Variants in SUMF1 observed in about 807,000 individuals in gnomAD.
SUMF1 encodes the protein formylglycine-generating enzyme.
Under a neutral mutation model 47.6 loss-of-function variants are expected in SUMF1, and 48 were observed. The ratio of observed to expected loss-of-function variants is 1.01; its 90% CI spans 0.80 to 1.28. The LOEUF is 1.28. SUMF1 is among the 50% of genes most tolerant of loss of function. The pLI is 0.00. For synonymous variants in SUMF1, 230 were observed against 192.1 expected (o/e 1.20, Z -1.63); for missense variants, 571 against 485.4 (o/e 1.18, Z -1.66).
chr3:4,294,885 TGAG>T (rs34623827), intron 8 of SUMF1, among the ~76,000 whole-genome samples: 69,213 of 151,612 alleles, frequency 0.46, 16,469 homozygotes, highest in African/African-American at 0.57. Context: ...ACTATATGTG[TGAG>T]GAGAGTAAAA....
intron 9 of SUMF1, among the ~76,000 whole-genome samples, chr3:4,066,469 T>C (rs547667089): frequency 1.3e-5 from 2 of 152,272 alleles, no homozygotes; most frequent in Admixed American, 1.3e-4. Flanking sequence ...TATTAAAGCT[T>C]GAAACTTACA....
At chr3:4,239,600 T>G (rs1354544494) in intron 8 of SUMF1, among the ~76,000 whole-genome samples, 4 of 152,188 alleles carry the variant, frequency 2.6e-5, no homozygotes, top group Non-Finnish European at 4.4e-5. Context: ...GGAATGCTTG[T>G]GATTTCTGCA....
chr3:4,156,708 G>A (rs1334796538), intron 8 of SUMF1, among the ~76,000 whole-genome samples: 1 of 151,648 alleles, frequency 6.6e-6, no homozygotes, highest in Non-Finnish European at 1.5e-5. Flanking sequence ...AATACCTGGA[G>A]TAAGGAAATT....
chr3:4,161,870 A>G (rs1574939093), intron 8 of SUMF1, among the ~76,000 whole-genome samples: 1 of 151,852 alleles, frequency 6.6e-6, no homozygotes, highest in Non-Finnish European at 1.5e-5. Context: ...CTCAAGCAGA[A>G]TGAGTCTCTT....
chr3:4,264,212 C>A (rs761064010), intron 8 of SUMF1, among the ~76,000 whole-genome samples: 1 of 152,148 alleles, frequency 6.6e-6, no homozygotes. Context: ...AGCCAGGATA[C>A]AACCCAGTTA....
At chr3:4,341,320 C>A (rs1699268138) in intron 8 of SUMF1, among the ~76,000 whole-genome samples, 1 of 151,952 alleles carries the variant, frequency 6.6e-6, no homozygotes, top group African/African-American at 2.4e-5. Flanking sequence ...AATTCACATA[C>A]CTCCTACCAT....
chr3:4,424,740 T>C (rs1702015017), intron 3 of SUMF1, among the ~76,000 whole-genome samples: 1 of 152,216 alleles, frequency 6.6e-6, no homozygotes, highest in South Asian at 2.1e-4. Flanking sequence ...TTTGATTCCG[T>C]TTCTATAAAA....
intron 8 of SUMF1, among the ~76,000 whole-genome samples, chr3:4,114,608 AG>A (rs2125072684): frequency 6.6e-6 from 1 of 152,268 alleles, no homozygotes; most frequent in South Asian, 2.1e-4. Flanking sequence ...GACCCGTATC[AG>A]GTTAAACCAC....
At chr3:4,142,835 G>T (rs1308903337) in intron 8 of SUMF1, among the ~76,000 whole-genome samples, 1 of 151,978 alleles carries the variant, frequency 6.6e-6, no homozygotes, top group Non-Finnish European at 1.5e-5. Flanking sequence ...GCCATCCATG[G>T]ACTCCAGGTT....
chr3:4,193,069 A>G (rs1416069740), intron 8 of SUMF1, among the ~76,000 whole-genome samples: 3 of 152,116 alleles, frequency 2.0e-5, no homozygotes, highest in Non-Finnish European at 4.4e-5. Context: ...ATGAAGCCAT[A>G]TAATTGTCTA....
At chr3:4,051,157 G>C (rs1695104790) in intron 9 of SUMF1, among the ~76,000 whole-genome samples, 1 of 150,220 alleles carries the variant, frequency 6.7e-6, no homozygotes, top group African/African-American at 2.4e-5. Context: ...GGAAAGGAAA[G>C]CAGTGGAAGA....
chr3:4,104,526 C>T (rs1015702763), intron 8 of SUMF1, among the ~76,000 whole-genome samples: 1 of 152,012 alleles, frequency 6.6e-6, no homozygotes, highest in African/African-American at 2.4e-5. Context: ...GGTTATCCAG[C>T]AGAATGCACC....
At chr3:4,382,892 G>C (rs1700552960) in intron 7 of SUMF1, among the ~76,000 whole-genome samples, 2 of 152,106 alleles carry the variant, frequency 1.3e-5, no homozygotes, top group South Asian at 4.1e-4. Flanking sequence ...GACACAGGGA[G>C]GGGAACATCA....
intron 1 of SUMF1, among the ~76,000 whole-genome samples, chr3:4,466,109 C>A (rs562549890): frequency 3.3e-5 from 5 of 151,798 alleles, no homozygotes; most frequent in Non-Finnish European, 7.4e-5. Flanking sequence ...ACAGTTATTT[C>A]TTTCTTTCTT....
At chr3:4,359,123 C>A (rs1199911351), downstream of SUMF1, among the ~76,000 whole-genome samples, 1 of 152,182 alleles carries the variant, frequency 6.6e-6, no homozygotes. Context: ...GGCATTCAAA[C>A]CGAACTTTTC....
At position 4,272,738 on chromosome 3, in the gene SUMF1, A is replaced by T. The variant is rs142440988; in HGVS notation, c.1014+103592T>A. ...AGGTAATAAATATACGAAATGATGC[A>T]GCCACGGTGGAAAGCAATTTGGCAG... On this transcript the variant is annotated intron_variant and NMD_transcript_variant, in intron 8 of 12. Transcript: ENST00000448413. Among the ~76,000 whole-genome samples the T allele has an allele frequency of 9.1e-4, 139 of 152,286 alleles. 1 individual carries two copies. The highest frequency in any genetic ancestry group is 5.4e-3 in the Admixed American group (82 of 15,298).
chr3:4,356,478 A>C (rs969340846), downstream of SUMF1, among the ~76,000 whole-genome samples: 2 of 152,104 alleles, frequency 1.3e-5, no homozygotes, highest in Non-Finnish European at 2.9e-5. Context: ...TCTAGGCGAG[A>C]TGAGGTCCCT....
At chr3:4,097,795 G>A (rs187814878) in intron 8 of SUMF1, among the ~76,000 whole-genome samples, 2 of 152,208 alleles carry the variant, frequency 1.3e-5, no homozygotes, top group East Asian at 3.9e-4. Flanking sequence ...TCTTTCAAGA[G>A]TACCACCCTT....
In SUMF1 at chr3:4,391,133, A is replaced by G. The variant is rs527495884; in HGVS notation, c.955-14744T>C. 3.3e-5 allele frequency among the ~76,000 whole-genome samples: 5 copies of G among 152,322 alleles called. No individual in the cohort carries two copies. The South Asian group carries it at 8.3e-4, about 25-fold the overall frequency. On this transcript the variant is annotated intron_variant, in intron 7 of 8. Coordinates refer to ENST00000272902, the MANE Select transcript of SUMF1 (RefSeq NM_182760.4). ...CACTGTTTCTGATCAGAAATCAGCTATTAATCACATTATTGTTGCCCTGTA... is the reference window on the plus strand; with the variant it reads ...CACTGTTTCTGATCAGAAATCAGCTGTTAATCACATTATTGTTGCCCTGTA...
Sources: gnomAD v4.1 joint callset for allele counts (sites outside exome capture counted in the v4.1 genomes callset) on GRCh38, gnomAD v4.1.1 for gene constraint, MANE v1.5 for transcripts, NCBI Gene and HGNC (gene_info 2026-07-23, HGNC 2026-07-21) for gene names.